Variants in DOCK8 observed in about 807,000 individuals in gnomAD.
DOCK8 encodes dedicator of cytokinesis protein 8.
In DOCK8, 141 loss-of-function variants were observed where a neutral mutation model predicts 245.6. The observed-to-expected ratio is 0.57, with a 90% CI of 0.50 to 0.66. DOCK8 has a LOEUF of 0.66. Ranked by LOEUF, DOCK8 falls within the 30% of genes least tolerant of loss-of-function variation. DOCK8 has a pLI of 0.00. For missense variants in DOCK8, 2,965 were observed against 2,603.4 expected (o/e 1.14, Z -3.02); for synonymous variants, 1,168 against 970.2 (o/e 1.20, Z -3.79).
chr9:288,388 C>G (rs983013209), intron 3 of DOCK8, among the ~76,000 whole-genome samples: 1 of 152,158 alleles, frequency 6.6e-6, no homozygotes, highest in East Asian at 1.9e-4. Flanking sequence ...TGCTCCACCA[C>G]TTGCTGTGTG....
chr9:432,398 A>C, intron 37 of DOCK8, 74 bp downstream of exon 37: 1 of 1,353,338 alleles, frequency 7.4e-7, no homozygotes, highest in African/African-American at 1.4e-5. Context: ...ATGTATGTAC[A>C]TATATACACA....
At chr9:317,752 C>T (rs966499806) in intron 7 of DOCK8, among the ~76,000 whole-genome samples, 1 of 152,198 alleles carries the variant, frequency 6.6e-6, no homozygotes, top group Admixed American at 6.5e-5. Context: ...TCCAAATAAA[C>T]AGGCCCATTT....
chr9:268,795 A>T (rs946665149), intron 1 of DOCK8, among the ~76,000 whole-genome samples: 1 of 152,224 alleles, frequency 6.6e-6, no homozygotes, highest in African/African-American at 2.4e-5. Flanking sequence ...TCAAGTAAGC[A>T]AATAAATGAT....
intron 24 of DOCK8, among the ~76,000 whole-genome samples, chr9:390,957 A>G (rs1413898671): frequency 6.6e-6 from 1 of 152,210 alleles, no homozygotes; most frequent in Non-Finnish European, 1.5e-5. Flanking sequence ...TTTTCACTGC[A>G]CTGAGAAGAA....
chr9:461,435 T>A (rs1200733525), intron 46 of DOCK8, among the ~76,000 whole-genome samples: 2 of 152,040 alleles, frequency 1.3e-5, no homozygotes, highest in African/African-American at 4.8e-5. Context: ...GTGATTTCCT[T>A]GGATCTGTCA....
At chr9:421,910 C>G in intron 32 of DOCK8, 138 bp from the exon 33 acceptor site, 1 of 773,578 alleles carries the variant, frequency 1.3e-6, no homozygotes, top group South Asian at 1.5e-5. Context: ...ACTTTGTCTC[C>G]TACCAGCAAC....
chr9:214,437 C>G, upstream of DOCK8: 1 of 1,494,716 alleles, frequency 6.7e-7, no homozygotes, highest in Admixed American at 1.8e-5. Context: ...CTGATAGATT[C>G]CACTAACTTT....
intron 1 of DOCK8, among the ~76,000 whole-genome samples, chr9:252,056 C>A (rs1236303665): frequency 6.8e-6 from 1 of 147,498 alleles, no homozygotes; most frequent in Admixed American, 6.8e-5. Flanking sequence ...TCACTGCAAC[C>A]TCTGCCACCT....
chr9:250,099 G>A (rs1423984514), intron 1 of DOCK8, among the ~76,000 whole-genome samples: 1 of 152,076 alleles, frequency 6.6e-6, no homozygotes, highest in African/African-American at 2.4e-5. Flanking sequence ...ACATACTAGG[G>A]ATCTTTTAAG....
intron 4 of DOCK8, among the ~76,000 whole-genome samples, chr9:303,677 G>A (rs1369804591): frequency 6.6e-6 from 1 of 152,156 alleles, no homozygotes; most frequent in African/African-American, 2.4e-5. Flanking sequence ...TTGAAAAACT[G>A]CCTATTGAGT....
At chr9:275,118 C>T (rs772820722) in intron 2 of DOCK8, among the ~76,000 whole-genome samples, 1 of 152,154 alleles carries the variant, frequency 6.6e-6, no homozygotes, top group Non-Finnish European at 1.5e-5. Flanking sequence ...ACTTCAGTTT[C>T]TTCATTTGTA....
At position 460,847 on chromosome 9, in the gene DOCK8, C is replaced by A. The variant is rs147712410; in HGVS notation, c.6069-2670C>A. On this transcript the variant is annotated intron_variant, in intron 46 of 47. Transcript: ENST00000432829. The stretch of plus-strand genomic sequence containing the variant: ...TGTTAAGAGGATTTGATAACAATGT[C>A]TGGGTATCTCCATAACTTAGTCCAA... Among the ~76,000 whole-genome samples, 142 of 152,366 alleles carry A rather than the reference C, an allele frequency of 9.3e-4. 1 individual carries two copies. The highest frequency in any genetic ancestry group is 3.1e-3 in the African/African-American group (129 of 41,578).
At chr9:400,044 C>CACCAGCACT (rs796538594) in intron 26 of DOCK8, among the ~76,000 whole-genome samples, 1 of 92,822 alleles carries the variant, frequency 1.1e-5, no homozygotes, top group Non-Finnish European at 2.2e-5. Context: ...CCACCACCAC[C>CACCAGCACT]TCCACCATCA....
Position 338,497 on chromosome 9 carries a change from GGTT to G in DOCK8, c.1423-503_1423-501del, listed in dbSNP as rs376395292. 2.4e-3 allele frequency among the ~76,000 whole-genome samples: 373 copies of G among 152,258 alleles called. 2 individuals are homozygous for G. Among genetic ancestry groups the G allele is most frequent in the Middle Eastern group, 0.017 (5 of 294 alleles). On this transcript the variant is annotated intron_variant, in intron 12 of 47. Transcript: ENST00000432829. ...ACATATCTACCCACTTACCTTACTG[GGTT>G]GTTGTAAGGATTGGAGATCATGCAT... is the stretch of plus-strand genomic sequence containing the variant.
At chr9:385,350 TAAG>T (rs2053908238) in intron 22 of DOCK8, among the ~76,000 whole-genome samples, 1 of 152,190 alleles carries the variant, frequency 6.6e-6, no homozygotes, top group African/African-American at 2.4e-5. Flanking sequence ...TAAAAGATAT[TAAG>T]AGAAATGCAA....
At chr9:378,001 C>T (rs185549434) in intron 20 of DOCK8, among the ~76,000 whole-genome samples, 25 of 152,326 alleles carry the variant, frequency 1.6e-4, no homozygotes, top group Middle Eastern at 6.8e-3. Context: ...TCTTTGCTTT[C>T]CAGTCCAGCA....
At chr9:360,456 A>T (rs2052673301) in intron 14 of DOCK8, among the ~76,000 whole-genome samples, 1 of 152,244 alleles carries the variant, frequency 6.6e-6, no homozygotes, top group Non-Finnish European at 1.5e-5. Flanking sequence ...TATTTAAAAC[A>T]TATTAAGATG....
intron 22 of DOCK8, among the ~76,000 whole-genome samples, chr9:384,406 C>T (rs1206269860): frequency 6.6e-6 from 1 of 152,136 alleles, no homozygotes; most frequent in East Asian, 1.9e-4. Context: ...TAGGTTTAGA[C>T]ACAGACACAG....
At chr9:368,216 A>T in intron 15 of DOCK8, 81 bp downstream of exon 15, 1 of 1,173,320 alleles carries the variant, frequency 8.5e-7, no homozygotes, top group Non-Finnish European at 1.3e-6. Context: ...GGGACTCATC[A>T]GTGTACAAAG....
Sources: gnomAD v4.1 joint callset for allele counts (sites outside exome capture counted in the v4.1 genomes callset) on GRCh38, gnomAD v4.1.1 for gene constraint, MANE v1.5 for transcripts, NCBI Gene and HGNC (gene_info 2026-07-23, HGNC 2026-07-21) for gene names.